ITGAX: variants seen among roughly 807,000 people sequenced by gnomAD.
ITGAX encodes integrin subunit alpha X, also known as integrin alpha-X.
ITGAX carries 99 observed loss-of-function variants against 140.2 expected under a neutral mutation model. The observed-to-expected ratio is 0.71, with a 90% CI of 0.60 to 0.83. ITGAX has a LOEUF of 0.83. Among genes scored for constraint, ITGAX ranks in the 40% least tolerant of loss-of-function variants. The pLI is 0.00. For missense variants in ITGAX, 1,444 were observed against 1,482.0 expected, an observed-to-expected ratio of 0.97 and a Z score of 0.42; for synonymous variants, 631 against 600.4, an observed-to-expected ratio of 1.05 and a Z score of -0.75.
chr16:31,362,920 G>C lies in ITGAX; in HGVS notation c.1360-15G>C. On this transcript the variant is annotated splice_polypyrimidine_tract_variant and intron_variant, in intron 12 of 29. Transcript: ENST00000268296. ...TGGCAGGGACAGGCAGCATGACCCA[G>C]GCTCTGCCCTTCAGATCGGCTCCTA... 1.2e-6 allele frequency: 2 copies of C among 1,611,438 alleles called. No homozygotes were observed. The highest frequency in any genetic ancestry group is 1.3e-5 in the African/African-American group (1 of 74,918).
chr16:31,377,122 C>A (rs187683271), intron 22 of ITGAX, 43 bp downstream of exon 22: 3 of 1,611,812 alleles, frequency 1.9e-6, no homozygotes, highest in Admixed American at 3.3e-5. Flanking sequence ...CATCTCCAGC[C>A]TCACACCCCA....
intron 14 of ITGAX, chr16:31,370,122 A>C (rs1429945086): frequency 6.6e-6 from 1 of 152,014 alleles, no homozygotes; most frequent in Non-Finnish European, 1.5e-5. Context: ...TGCCCAGCTA[A>C]TTTTTGTTTA....
At chr16:31,360,805 C>T (rs749761894) in intron 8 of ITGAX, 93 of 523,682 alleles carry the variant, frequency 1.8e-4, no homozygotes, top group East Asian at 5.6e-4. Flanking sequence ...CGTGAACCAC[C>T]GCCAACAACA....
Position 31,382,155 on chromosome 16 carries a change from G to A in ITGAX, c.*248G>A. The stretch of plus-strand genomic sequence containing the variant: ...GGACTTGACTTGCAATTTCTACCTA[G>A]AAATACATGGACAATACCCCCAGGC... On this transcript the variant is annotated 3_prime_UTR_variant, in exon 30 of 30. Transcript: ENST00000268296. 7.1e-7 allele frequency: 1 copy of A among 1,398,736 alleles called. No individual in the cohort carries two copies. The highest frequency in any genetic ancestry group is 9.2e-7 in the Non-Finnish European group (1 of 1,082,076). The allele number at this position is 1,398,736 out of a possible 1,614,324, so 86.6% of individuals were successfully genotyped here.
chr16:31,362,254 G>T, intron 11 of ITGAX, 50 bp downstream of exon 11: 1 of 1,609,724 alleles, frequency 6.2e-7, no homozygotes, highest in Non-Finnish European at 8.5e-7. Flanking sequence ...ACTGCCCAGG[G>T]TGGGGTCCAG....
chr16:31,378,320 C>A (rs2081038110), intron 23 of ITGAX, among the ~76,000 whole-genome samples: 1 of 152,264 alleles, frequency 6.6e-6, no homozygotes, highest in African/African-American at 2.4e-5. Context: ...CATCCTACAT[C>A]CCCACAAAGG....
intron 20 of ITGAX, among the ~76,000 whole-genome samples, chr16:31,376,560 G>A (rs562076020): frequency 8.5e-5 from 13 of 152,298 alleles, no homozygotes; most frequent in Non-Finnish European, 1.6e-4. Context: ...CAGAGTTTGA[G>A]GCTGCAGTGA....
chr16:31,361,451 C>T (rs975668079), intron 9 of ITGAX: 31 of 672,950 alleles, frequency 4.6e-5, no homozygotes, highest in African/African-American at 9.0e-5. Context: ...ACACCACCAC[C>T]GGCTCCACTG....
Position 31,363,057 on chromosome 16 carries a change from G to A in ITGAX, c.1482G>A (p.Val494=), listed in dbSNP as rs755619371. Residue 494 remains valine (V), a synonymous_variant, in exon 13 of 30, where the codon GTG becomes GTA. Coordinates refer to ENST00000268296, the MANE Select transcript of ITGAX (RefSeq NM_000887.5). ...AGACCCGAGGGGGCCAGGTGTCTGT[G>A]TGTCCCTTGCCCAGGGGGGTGAGTG... is the stretch of plus-strand genomic sequence containing the variant. ...YEQTRGGQVS[V]CPLPRGWRRW... is the part of the protein sequence containing the mutation. The A allele has an allele frequency of 6.2e-6, 10 of 1,610,904 alleles. No homozygotes were observed. Among genetic ancestry groups the A allele is most frequent in the Non-Finnish European group, 8.5e-6 (10 of 1,179,228 alleles).
intron 21 of ITGAX, 39 bp downstream of exon 21, chr16:31,376,954 C>T (rs368048503): frequency 2.4e-5 from 39 of 1,613,392 alleles, no homozygotes; most frequent in Non-Finnish European, 3.3e-5. Flanking sequence ...TCCCCTGCCC[C>T]ACCCTGTCTT....
intron 28 of ITGAX, 71 bp downstream of exon 28, chr16:31,380,695 T>C: frequency 1.3e-6 from 2 of 1,574,620 alleles, no homozygotes; most frequent in Non-Finnish European, 1.7e-6. Context: ...TGGTGCTGGG[T>C]GGGGGGTTTG....
At chr16:31,369,125 C>T (rs1199908141) in intron 14 of ITGAX, among the ~76,000 whole-genome samples, 1 of 152,298 alleles carries the variant, frequency 6.6e-6, no homozygotes, top group African/African-American at 2.4e-5. Context: ...CTGTTGGGTA[C>T]ACCTCCCAGA....
intron 14 of ITGAX, among the ~76,000 whole-genome samples, chr16:31,365,334 T>C (rs761732462): frequency 6.6e-6 from 1 of 152,144 alleles, no homozygotes; most frequent in Non-Finnish European, 1.5e-5. Flanking sequence ...CACTAAGTCA[T>C]ATACTTTAAA....
At chr16:31,369,171 C>A (rs1304522604) in intron 14 of ITGAX, among the ~76,000 whole-genome samples, 1 of 151,660 alleles carries the variant, frequency 6.6e-6, no homozygotes, top group Admixed American at 6.6e-5. Context: ...TCCTCACTTC[C>A]CAGTAGGGGC....
At chr16:31,373,008 G>A (rs2080985643) in intron 19 of ITGAX, among the ~76,000 whole-genome samples, 1 of 152,030 alleles carries the variant, frequency 6.6e-6, no homozygotes, top group South Asian at 2.1e-4. Context: ...CTTAAGGATT[G>A]CTTGAGCTCT....
In ITGAX at chr16:31,380,664, G is replaced by A. The variant is rs61761304; in HGVS notation, c.3276+40G>A. On this transcript the variant is annotated intron_variant, in intron 28 of 29. Coordinates refer to ENST00000268296, the MANE Select transcript of ITGAX (RefSeq NM_000887.5). ...GAGGGCAGCGACCAGGCTGGAAAGAGGGCCCCTAGGGCTACATCTGTGGTG... is the reference window on the plus strand; with the variant it reads ...GAGGGCAGCGACCAGGCTGGAAAGAAGGCCCCTAGGGCTACATCTGTGGTG... 586 of 1,609,988 alleles carry A rather than the reference G, an allele frequency of 3.6e-4. 2 individuals are homozygous for A. The highest frequency in any genetic ancestry group is 3.5e-3 in the South Asian group (322 of 90,970).
At position 31,363,145 on chromosome 16, in the gene ITGAX, G is replaced by A. The variant is rs533827477; in HGVS notation, c.1501-20G>A. ...GGAGGGGTTGCCCGGGTTGGGCCTG[G>A]CACTGCTTTTTTTCTGCAGTGGAGA... On this transcript the variant is annotated intron_variant, in intron 13 of 29. Transcript: ENST00000268296. The A allele has an allele frequency of 3.1e-6, 5 of 1,608,470 alleles. No individual in the cohort carries two copies. The highest frequency in any genetic ancestry group is 2.2e-5 in the South Asian group (2 of 90,694).
At chr16:31,373,510 T>C in intron 20 of ITGAX, 120 bp downstream of exon 20, 1 of 1,028,686 alleles carries the variant, frequency 9.7e-7, no homozygotes, top group Non-Finnish European at 1.3e-6. Context: ...CCTCTGCTCG[T>C]GTGGGTGTTC....
At chr16:31,380,748 C>A in intron 28 of ITGAX, 124 bp downstream of exon 28, 1 of 1,344,834 alleles carries the variant, frequency 7.4e-7, no homozygotes, top group Non-Finnish European at 1.1e-6. Flanking sequence ...GGCAGGATAG[C>A]TGTCCCTAAG....
Sources: allele counts gnomAD v4.1 joint callset (sites outside exome capture counted in the v4.1 genomes callset), GRCh38; gene constraint gnomAD v4.1.1; transcripts MANE v1.5; gene names NCBI Gene and HGNC (gene_info 2026-07-23, HGNC 2026-07-21).